YEATS2: variants seen among roughly 807,000 people sequenced by gnomAD.
The protein encoded by YEATS2 is YEATS domain-containing protein 2.
Under a neutral mutation model 163.2 loss-of-function variants are expected in YEATS2, and 77 were observed. That is an observed-to-expected ratio of 0.47 (90% confidence interval 0.39 to 0.57). The LOEUF is 0.57. Ranked by LOEUF, YEATS2 falls within the 20% of genes least tolerant of loss-of-function variation. YEATS2 has a pLI of 0.00. For missense variants in YEATS2, 1,549 were observed against 1,729.8 expected, an observed-to-expected ratio of 0.90 and a Z score of 1.85; for synonymous variants, 631 against 645.1, an observed-to-expected ratio of 0.98 and a Z score of 0.33.
At chr3:183,801,340 T>C in intron 24 of YEATS2, 115 bp from the exon 25 acceptor site, 1 of 652,742 alleles carries the variant, frequency 1.5e-6, no homozygotes, top group Non-Finnish European at 2.4e-6. Flanking sequence ...ATGATGGTTT[T>C]AATTATAATT....
At chr3:183,765,458 G>A (rs946191259) in intron 15 of YEATS2, among the ~76,000 whole-genome samples, 3 of 152,164 alleles carry the variant, frequency 2.0e-5, no homozygotes, top group Admixed American at 1.3e-4. Flanking sequence ...GTGCCACAAT[G>A]CCCTAAATAT....
At chr3:183,759,743 C>T (rs1721151525) in intron 13 of YEATS2, among the ~76,000 whole-genome samples, 3 of 152,182 alleles carry the variant, frequency 2.0e-5, no homozygotes, top group Admixed American at 6.5e-5. Flanking sequence ...CCTCAGCTTA[C>T]GCTGGGGTTA....
chr3:183,738,623 A>G lies in YEATS2; in HGVS notation c.924+1794A>G, dbSNP rs867284858. Among the ~76,000 whole-genome samples the G allele has an allele frequency of 2.4e-3, 334 of 138,792 alleles. 1 individual carries two copies. Among genetic ancestry groups the G allele is most frequent in the African/African-American group, 3.3e-3 (123 of 37,500 alleles). The allele number at this position is 138,792 out of a possible 152,430, so 91.1% of individuals were successfully genotyped here. A position where few individuals can be genotyped will look rare whatever the true frequency, so the allele number is the denominator to read the frequency against. ...TGTGTCCAGGTGATCTCATTGTTCA[A>G]TTCCCACCTATGAGTGAGAATATAC... is the stretch of plus-strand genomic sequence containing the variant. On this transcript the variant is annotated intron_variant, in intron 8 of 30. Transcript: ENST00000305135.
chr3:183,788,808 A>G (rs1487371686), intron 20 of YEATS2, among the ~76,000 whole-genome samples: 3 of 152,108 alleles, frequency 2.0e-5, no homozygotes, highest in Non-Finnish European at 4.4e-5. Context: ...AGCCTTTTGG[A>G]TGAGAGTCAT....
chr3:183,777,417 C>A, intron 18 of YEATS2, 125 bp from the exon 19 acceptor site: 1 of 1,014,366 alleles, frequency 9.9e-7, no homozygotes, highest in Non-Finnish European at 1.4e-6. Context: ...GCCTACATTG[C>A]AGAATTAAAG....
chr3:183,810,495 T>G lies in YEATS2; in HGVS notation c.4181T>G (p.Val1394Gly). ...SHNRIPKEIT[V>G]SNIHQAICNI... ...ACCAGGATTCCCAAAGAAATTACAG[T>G]GAGTAATATTCACCAGGCCATTTGC... Residue 1394 changes from valine to glycine, a missense_variant, in exon 31 of 31, where the codon GTG (valine) becomes GGG (glycine). Transcript: ENST00000305135. The G allele has an allele frequency of 6.2e-7, 1 of 1,614,034 alleles. No homozygotes were observed. Among genetic ancestry groups the G allele is most frequent in the Non-Finnish European group, 8.5e-7 (1 of 1,179,968 alleles).
intron 8 of YEATS2, among the ~76,000 whole-genome samples, chr3:183,746,493 C>A: frequency 6.6e-6 from 1 of 152,118 alleles, no homozygotes; most frequent in Non-Finnish European, 1.5e-5. Context: ...TTCTTGTATG[C>A]TTTGTTTTCC....
At chr3:183,745,977 G>A (rs796253611) in intron 8 of YEATS2, among the ~76,000 whole-genome samples, 14 of 152,242 alleles carry the variant, frequency 9.2e-5, no homozygotes, top group African/African-American at 3.1e-4. Context: ...GACCACAGGC[G>A]TGCGCCACCA....
At chr3:183,774,507 G>A (rs529065446) in intron 17 of YEATS2, among the ~76,000 whole-genome samples, 1 of 152,216 alleles carries the variant, frequency 6.6e-6, no homozygotes, top group East Asian at 1.9e-4. Context: ...CAGCTGGTTT[G>A]GATGTATTCC....
chr3:183,794,177 G>A (rs1724930363), intron 21 of YEATS2, among the ~76,000 whole-genome samples: 1 of 152,150 alleles, frequency 6.6e-6, no homozygotes, highest in Admixed American at 6.5e-5. Flanking sequence ...AGGGTCATTG[G>A]TGCAGTATTG....
intron 13 of YEATS2, 125 bp downstream of exon 13, chr3:183,759,090 A>C: frequency 1.6e-6 from 1 of 624,072 alleles, no homozygotes; most frequent in Non-Finnish European, 2.6e-6. Flanking sequence ...TCCTGGCCTC[A>C]AGAGATCTGC....
intron 8 of YEATS2, among the ~76,000 whole-genome samples, chr3:183,738,831 T>C (rs1363194277): frequency 3.1e-5 from 4 of 128,312 alleles, no homozygotes; most frequent in African/African-American, 1.2e-4. Context: ...GTTCCAAGTC[T>C]TTGCTATTGT....
chr3:183,802,535 G>GTATATATATATATATATATATACACGTA (rs11276625), intron 25 of YEATS2: 16 of 142,296 alleles, frequency 1.1e-4, no homozygotes, highest in African/African-American at 4.1e-4. Context: ...ATATACACGT[G>GTATATATATATATATATATATACACGTA]TATATACACA....
Position 183,800,487 on chromosome 3 carries a change from C to T in YEATS2, c.3347C>T (p.Pro1116Leu), listed in dbSNP as rs761572820. 5.6e-6 allele frequency: 9 copies of T among 1,614,130 alleles called. 1 individual carries two copies. The South Asian group carries it at 9.9e-5, about 18-fold the overall frequency. The change falls in exon 24 of 31, where the codon CCT becomes CTT. Residue 1116 changes from proline (P) to leucine (L), a missense_variant. Transcript: ENST00000305135. ...VAKVKTEPETPGPSCLSQEGQ... is the reference protein window; with the variant it reads ...VAKVKTEPETLGPSCLSQEGQ... ...GTAGTGAAGACTGAACCAGAAACAC[C>T]TGGACCGAGTTGCCTCTCTCAGGAG... is the stretch of plus-strand genomic sequence containing the variant.
intron 1 of YEATS2, among the ~76,000 whole-genome samples, chr3:183,713,617 C>T (rs888998632): frequency 3.3e-5 from 5 of 152,162 alleles, no homozygotes; most frequent in Non-Finnish European, 7.3e-5. Context: ...AAATTCTGTA[C>T]GTGGCTCATG....
chr3:183,732,774 T>C (rs928694701), intron 7 of YEATS2, among the ~76,000 whole-genome samples: 1 of 151,498 alleles, frequency 6.6e-6, no homozygotes, highest in Non-Finnish European at 1.5e-5. Context: ...TTAGCCACGA[T>C]GGTCTCGATC....
intron 19 of YEATS2, among the ~76,000 whole-genome samples, chr3:183,781,792 A>C (rs562367526): frequency 5.9e-5 from 9 of 152,224 alleles, no homozygotes; most frequent in Non-Finnish European, 1.0e-4. Context: ...GGTCCCAGCC[A>C]TTCAGGAGGC....
intron 1 of YEATS2, among the ~76,000 whole-genome samples, chr3:183,706,770 T>G (rs1422759946): frequency 6.6e-6 from 1 of 152,102 alleles, no homozygotes; most frequent in African/African-American, 2.4e-5. Context: ...GAGCTGAGAT[T>G]GTGCCATTGC....
chr3:183,778,664 T>G (rs1253096425), intron 19 of YEATS2, among the ~76,000 whole-genome samples: 1 of 152,104 alleles, frequency 6.6e-6, no homozygotes, highest in East Asian at 1.9e-4. Flanking sequence ...TGTTTAGAGT[T>G]TTTGCAAGTG....
Sources: gnomAD v4.1 joint callset for allele counts (sites outside exome capture counted in the v4.1 genomes callset) on GRCh38, gnomAD v4.1.1 for gene constraint, MANE v1.5 for transcripts, NCBI Gene and HGNC (gene_info 2026-07-23, HGNC 2026-07-21) for gene names.